The following CD4 variants were observed in gnomAD, a reference collection of about 807,000 sequenced individuals.
The protein encoded by CD4 is T-cell surface glycoprotein CD4.
CD4 carries 25 observed loss-of-function variants against 50.5 expected under a neutral mutation model. That is an observed-to-expected ratio of 0.49 (90% confidence interval 0.36 to 0.69). The LOEUF is 0.69. Ranked by LOEUF, CD4 falls within the 30% of genes least tolerant of loss-of-function variation. The pLI, the probability that CD4 is intolerant of heterozygous loss-of-function variation, is 0.00. For synonymous variants in CD4, 207 were observed against 221.9 expected (o/e 0.93, Z 0.60); for missense variants, 456 against 548.5 (o/e 0.83, Z 1.68).
chr12:6,792,779 G>C lies in CD4; in HGVS notation c.-68+3117G>C, dbSNP rs894183095. On this transcript the variant is annotated intron_variant, in intron 1 of 9. Transcript: ENST00000011653. This position sits in a 1 kb window ranked among gnomAD's most constrained non-coding sequence, Gnocchi z 4.1. ...TAGTGGCAGCCTGAGAGGGGAAGCT[G>C]AAAAAGGAGAAGAGGCAAGGGGCAT... Among the ~76,000 whole-genome samples, 1 of 152,174 alleles carries C rather than the reference G, an allele frequency of 6.6e-6. No individual in the cohort carries two copies. Among genetic ancestry groups the C allele is most frequent in the African/African-American group, 2.4e-5 (1 of 41,440 alleles).
chr12:6,811,665 T>C (rs1408821446), intron 3 of CD4, among the ~76,000 whole-genome samples: 1 of 145,762 alleles, frequency 6.9e-6, no homozygotes. Flanking sequence ...GGCTAATTTT[T>C]TTTTTCTTTT....
intron 3 of CD4, 162 bp from the exon 4 acceptor site, chr12:6,813,980 T>C (rs933137684): frequency 7.8e-6 from 5 of 641,278 alleles, no homozygotes; most frequent in Non-Finnish European, 1.4e-5. Flanking sequence ...TAAATGGATA[T>C]GATGAGACCT....
rs1317242600 is a variant in CD4, at chr12:6,814,173, A to T, written c.246A>T (p.Ser82=). 3 of 1,614,114 alleles carry T rather than the reference A, an allele frequency of 1.9e-6. No individual in the cohort carries two copies. Among genetic ancestry groups the T allele is most frequent in the Admixed American group, 1.7e-5 (1 of 60,022 alleles). The change falls in exon 4 of 10, where the codon TCA becomes TCT. Residue 82 remains serine (S), a synonymous_variant. Coordinates refer to ENST00000011653, the MANE Select transcript of CD4 (RefSeq NM_000616.5). ...GPSKLNDRAD[S]RRSLWDQGNF... ...CCAAGCTGAATGATCGCGCTGACTC[A>T]AGAAGAAGCCTTTGGGACCAAGGAA... is the stretch of plus-strand genomic sequence containing the variant.
At chr12:6,796,815 C>G (rs1197893711) in intron 1 of CD4, among the ~76,000 whole-genome samples, 1 of 152,216 alleles carries the variant, frequency 6.6e-6, no homozygotes, top group Non-Finnish European at 1.5e-5. Flanking sequence ...CCACTGCACT[C>G]TGGCCTGGGT....
intron 4 of CD4, 125 bp from the exon 5 acceptor site, chr12:6,814,634 G>A: frequency 1.2e-6 from 1 of 818,504 alleles, no homozygotes; most frequent in South Asian, 1.4e-5. Flanking sequence ...GGGGTGCGCA[G>A]CTGGGTGCTG....
At chr12:6,807,138 A>G (rs782764048) in intron 3 of CD4, among the ~76,000 whole-genome samples, 6 of 151,704 alleles carry the variant, frequency 4.0e-5, no homozygotes, top group African/African-American at 9.7e-5. Context: ...TTGCACTCCA[A>G]CCTGGGAGAC....
chr12:6,817,403 G>C, intron 7 of CD4, 73 bp downstream of exon 7: 1 of 1,319,630 alleles, frequency 7.6e-7, no homozygotes, highest in Non-Finnish European at 1.1e-6. Context: ...AGACCACCCA[G>C]AGTCCCGGCC....
At chr12:6,808,258 T>C (rs782115813) in intron 3 of CD4, among the ~76,000 whole-genome samples, 10 of 147,994 alleles carry the variant, frequency 6.8e-5, no homozygotes, top group East Asian at 4.0e-4. Flanking sequence ...ATTGAGCCAC[T>C]CTGGCTAACA....
At chr12:6,795,136 C>CTATCTATCTATCTATA (rs1172987207) in intron 1 of CD4, among the ~76,000 whole-genome samples, 1 of 151,850 alleles carries the variant, frequency 6.6e-6, no homozygotes, top group African/African-American at 2.4e-5. Context: ...ATCTATCTAT[C>CTATCTATCTATCTATA]TAATCTATCT....
rs1943183585 is a variant in CD4 at position 6,818,787 on chromosome 12, G to A, written c.1279-60G>A. 1.3e-6 allele frequency: 2 copies of A among 1,484,162 alleles called. No individual in the cohort carries two copies. Among genetic ancestry groups the A allele is most frequent in the Non-Finnish European group, 1.9e-6 (2 of 1,061,820 alleles). 91.9% of individuals were successfully genotyped at this position (1,484,162 alleles called of 1,614,324 possible). ...CAGCTTCCCCCACTCCCCCCACCAA[G>A]GGGCACCTCCCTTCTGGAGGCCTGG... On this transcript the variant is annotated intron_variant, in intron 8 of 9. Coordinates refer to ENST00000011653, the MANE Select transcript of CD4 (RefSeq NM_000616.5). The surrounding 1 kb of genome is among the most constrained non-coding windows in gnomAD (Gnocchi z 5.0).
intron 1 of CD4, among the ~76,000 whole-genome samples, chr12:6,797,452 G>C (rs1163163712): frequency 6.6e-6 from 1 of 152,158 alleles, no homozygotes; most frequent in Non-Finnish European, 1.5e-5. Flanking sequence ...GCAAGGTGGA[G>C]ACAAGAGACT....
chr12:6,806,156 TACACACACAC>T (rs56979845), intron 3 of CD4, among the ~76,000 whole-genome samples: 8 of 107,406 alleles, frequency 7.4e-5, no homozygotes, highest in African/African-American at 1.2e-4. Context: ...AAAAGGTACA[TACACACACAC>T]ACACACACAC....
chr12:6,808,445 T>C lies in CD4; in HGVS notation c.215-5697T>C, dbSNP rs868991576. 1.6e-3 allele frequency among the ~76,000 whole-genome samples: 93 copies of C among 57,992 alleles called. 1 individual carries two copies. The highest frequency in any genetic ancestry group is 4.0e-3 in the African/African-American group (83 of 20,834). 38.0% of individuals were successfully genotyped at this position (57,992 alleles called of 152,430 possible). Reference sequence around the variant, plus strand: ...CAGCCTGGGTGACAAAGTGAGATTCTGTCTCAAAAAAAAAAAAAAAAAAAA... The same window carrying C: ...CAGCCTGGGTGACAAAGTGAGATTCCGTCTCAAAAAAAAAAAAAAAAAAAA... On this transcript the variant is annotated intron_variant, in intron 3 of 9. Transcript: ENST00000011653.
chr12:6,817,488 G>A (rs1199332459), intron 7 of CD4, among the ~76,000 whole-genome samples, 158 bp downstream of exon 7: 1 of 152,038 alleles, frequency 6.6e-6, no homozygotes, highest in Non-Finnish European at 1.5e-5. Context: ...GCCCCAAAAG[G>A]AGGCATAGAA....
At position 6,817,244 on chromosome 12, in the gene CD4, C is replaced by T. The variant is rs782135554; in HGVS notation, c.1070C>T (p.Ala357Val). 2.4e-5 allele frequency: 38 copies of T among 1,609,500 alleles called. No homozygotes were observed. The highest frequency in any genetic ancestry group is 3.3e-4 in the Middle Eastern group (2 of 6,058). ...GCAAAGGTCTCGAAGCGGGAGAAGG[C>T]GGTGTGGGTGCTGAACCCTGAGGCG... ...KEAKVSKREKAVWVLNPEAGM... is the reference protein window; with the variant it reads ...KEAKVSKREKVVWVLNPEAGM... Residue 357 changes from alanine (A) to valine (V), a missense_variant, in exon 7 of 10, where the codon GCG becomes GTG. By Grantham distance (64) the Ala-to-Val change is moderately conservative. Transcript: ENST00000011653.
At position 6,814,842 on chromosome 12, in the gene CD4, G is replaced by T. The variant is rs1555117626; in HGVS notation, c.457G>T (p.Val153Leu). ...GAGCCCCCCTGGTAGTAGCCCCTCA[G>T]TGCAATGTAGGAGTCCAAGGGGTAA... ...LESPPGSSPS[V>L]QCRSPRGKNI... Residue 153 changes from valine (V) to leucine (L), a missense_variant, in exon 5 of 10, where the codon GTG becomes TTG. Val to Leu is a conservative substitution (Grantham distance 32, BLOSUM62 1). Transcript: ENST00000011653. 1 of 1,613,680 alleles carries T rather than the reference G, an allele frequency of 6.2e-7. No homozygotes were observed. Among genetic ancestry groups the T allele is most frequent in the East Asian group, 2.2e-5 (1 of 44,874 alleles).
At chr12:6,819,048 C>T (rs12298133) in intron 9 of CD4, 134 bp downstream of exon 9, 120,604 of 627,132 alleles carry the variant, frequency 0.19, 19,072 homozygotes, top group African/African-American at 0.53. Context: ...GGAGGAAGAG[C>T]TGGGAGGGGT....
At chr12:6,794,566 T>A (rs1028690365) in intron 1 of CD4, among the ~76,000 whole-genome samples, 3 of 151,824 alleles carry the variant, frequency 2.0e-5, no homozygotes, top group African/African-American at 7.3e-5. Flanking sequence ...GAGATGGGAT[T>A]TCACTATGTT....
chr12:6,807,947 G>A (rs1555116441), intron 3 of CD4, among the ~76,000 whole-genome samples: 1 of 151,902 alleles, frequency 6.6e-6, no homozygotes, highest in African/African-American at 2.4e-5. Flanking sequence ...GGGCGTGGTG[G>A]CAAGTGCCTG....
Sources: allele counts gnomAD v4.1 joint callset (sites outside exome capture counted in the v4.1 genomes callset), GRCh38; gene constraint gnomAD v4.1.1; non-coding constraint Gnocchi (gnomAD v3.1); transcripts MANE v1.5; gene names NCBI Gene and HGNC (gene_info 2026-07-23, HGNC 2026-07-21).